Variants in MRPS28 observed in about 807,000 individuals in gnomAD.
MRPS28 encodes mitochondrial ribosomal protein S28.
Under a neutral mutation model 10.8 loss-of-function variants are expected in MRPS28, and 7 were observed. That is an observed-to-expected ratio of 0.65 (90% CI 0.37 to 1.22). The LOEUF is 1.22. Ranked by LOEUF, MRPS28 falls within the 50% of genes most tolerant of loss-of-function variation. The probability of loss-of-function intolerance (pLI) is 0.02; values close to 1 mark genes in which losing one functional copy is unlikely to be tolerated. For synonymous variants in MRPS28, 121 were observed against 93.3 expected (o/e 1.30, Z -1.71); for missense variants, 265 against 232.9 (o/e 1.14, Z -0.90).
At chr8:79,958,556 A>G (rs2129995781) in intron 2 of MRPS28, 1 of 570,446 alleles carries the variant, frequency 1.8e-6, no homozygotes, top group Non-Finnish European at 3.1e-6. Context: ...TAAGAAAGAG[A>G]GTCACTAATT....
At chr8:79,941,898 G>GT (rs1163756323) in intron 2 of MRPS28, among the ~76,000 whole-genome samples, 2 of 152,266 alleles carry the variant, frequency 1.3e-5, no homozygotes, top group Non-Finnish European at 2.9e-5. Flanking sequence ...TGAAAAAATG[G>GT]TTTTTTATGT....
At chr8:80,018,096 T>C (rs1241372285) in intron 1 of MRPS28, among the ~76,000 whole-genome samples, 1 of 152,080 alleles carries the variant, frequency 6.6e-6, no homozygotes, top group Non-Finnish European at 1.5e-5. Context: ...AAGACTATCC[T>C]GGTTAACATG....
At chr8:79,982,376 T>C (rs1220659006) in intron 2 of MRPS28, among the ~76,000 whole-genome samples, 22 of 152,336 alleles carry the variant, frequency 1.4e-4, no homozygotes, top group South Asian at 2.1e-4. Flanking sequence ...TCTGAGGTAC[T>C]GGGTTCATCT....
intron 1 of MRPS28, among the ~76,000 whole-genome samples, chr8:80,006,720 G>C (rs1229103204): frequency 6.6e-6 from 1 of 152,154 alleles, no homozygotes; most frequent in Non-Finnish European, 1.5e-5. Context: ...GACTAAACCA[G>C]GAAGAAGTTG....
chr8:79,943,309 G>A (rs1237951823), intron 2 of MRPS28, among the ~76,000 whole-genome samples: 4 of 152,220 alleles, frequency 2.6e-5, no homozygotes, highest in Non-Finnish European at 5.9e-5. Flanking sequence ...TACAAGAGCC[G>A]AAGAAGGAAT....
At chr8:79,924,635 A>T (rs1810186037) in intron 2 of MRPS28, among the ~76,000 whole-genome samples, 1 of 152,210 alleles carries the variant, frequency 6.6e-6, no homozygotes, top group Non-Finnish European at 1.5e-5. Context: ...TGCAAAATTG[A>T]TTGTATACGC....
intron 2 of MRPS28, among the ~76,000 whole-genome samples, chr8:80,002,123 T>G (rs563566905): frequency 4.1e-4 from 62 of 152,270 alleles, no homozygotes; most frequent in African/African-American, 1.4e-3. Flanking sequence ...TATCCAGCTC[T>G]CAGGAGAGAG....
At chr8:80,009,237 G>A (rs1808955887) in intron 1 of MRPS28, among the ~76,000 whole-genome samples, 1 of 152,062 alleles carries the variant, frequency 6.6e-6, no homozygotes, top group Admixed American at 6.5e-5. Context: ...GAAAACACCT[G>A]GACACAGGAA....
chr8:80,004,245 C>A (rs552578661), intron 1 of MRPS28, among the ~76,000 whole-genome samples: 2 of 152,214 alleles, frequency 1.3e-5, no homozygotes, highest in African/African-American at 4.8e-5. Context: ...CAAGTAGGGG[C>A]AGACTGACAC....
intron 1 of MRPS28, among the ~76,000 whole-genome samples, chr8:80,008,107 G>A (rs1406141195): frequency 1.3e-5 from 2 of 152,158 alleles, no homozygotes; most frequent in East Asian, 3.9e-4. Context: ...GGAGCCCTCA[G>A]AAATAAAGCC....
chr8:79,985,186 A>C lies in MRPS28; in HGVS notation c.395+17813T>G, dbSNP rs553849756. On this transcript the variant is annotated intron_variant, in intron 2 of 2. Coordinates refer to ENST00000276585, the MANE Select transcript of MRPS28 (RefSeq NM_014018.3). ...GCTCCTGAATGACTACTGGGTACATAACGAAATGAAGGCAGAAATAAAGAT... is the reference window on the plus strand; with the variant it reads ...GCTCCTGAATGACTACTGGGTACATCACGAAATGAAGGCAGAAATAAAGAT... 4.6e-5 allele frequency among the ~76,000 whole-genome samples: 7 copies of C among 152,320 alleles called. No homozygotes were observed. In the South Asian group the frequency reaches 1.0e-3, roughly 23 times the overall value.
chr8:79,942,697 G>C (rs1191152091), intron 2 of MRPS28, among the ~76,000 whole-genome samples: 2 of 152,192 alleles, frequency 1.3e-5, no homozygotes, highest in Non-Finnish European at 2.9e-5. Flanking sequence ...GGAAATGGTA[G>C]ACTACTATTT....
chr8:79,952,376 A>G (rs115466576), intron 2 of MRPS28, among the ~76,000 whole-genome samples: 1,788 of 152,324 alleles, frequency 0.012, 46 homozygotes, highest in African/African-American at 0.039. Context: ...TAAGTAGATC[A>G]TCATTAGCTG....
At chr8:79,987,263 A>G (rs961896597) in intron 2 of MRPS28, among the ~76,000 whole-genome samples, 5 of 151,888 alleles carry the variant, frequency 3.3e-5, no homozygotes, top group African/African-American at 4.8e-5. Context: ...TACACCTTAT[A>G]CAAAAATCAA....
At chr8:79,958,259 T>C (rs1375332449) in intron 2 of MRPS28, 1 of 628,750 alleles carries the variant, frequency 1.6e-6, no homozygotes, top group East Asian at 2.8e-5. Flanking sequence ...AATCATACAA[T>C]ATATGATCTT....
At chr8:80,018,294 TCA>T (rs1809257141) in intron 1 of MRPS28, among the ~76,000 whole-genome samples, 2 of 5,936 alleles carry the variant, frequency 3.4e-4, no homozygotes. Context: ...ATACTCTGTC[TCA>T]AAAAAAAAAA....
At chr8:79,923,399 C>A (rs191681783) in intron 2 of MRPS28, among the ~76,000 whole-genome samples, 20 of 152,184 alleles carry the variant, frequency 1.3e-4, no homozygotes, top group Admixed American at 6.5e-4. Context: ...CTTATAATGT[C>A]TTTCCTATGA....
At chr8:79,983,699 T>A (rs1277777005) in intron 2 of MRPS28, among the ~76,000 whole-genome samples, 1 of 151,716 alleles carries the variant, frequency 6.6e-6, no homozygotes. Flanking sequence ...ATGAATGAAA[T>A]GAAGTGAGAA....
In MRPS28 at chr8:80,020,226, G is replaced by C. The variant is rs116120923; in HGVS notation, c.213+9810C>G. On this transcript the variant is annotated intron_variant, in intron 1 of 2. Coordinates refer to ENST00000276585, the MANE Select transcript of MRPS28 (RefSeq NM_014018.3). ...TTTTATCATGCAGATGAAGCGTCCA[G>C]GTAGCAGGCTTCAGAGAAAACAGAT... Among the ~76,000 whole-genome samples, 1,310 of 152,288 alleles carry C rather than the reference G, an allele frequency of 8.6e-3. 26 individuals are homozygous for C. Among genetic ancestry groups the C allele is most frequent in the African/African-American group, 0.03 (1,249 of 41,548 alleles).
Sources: gnomAD v4.1 joint callset for allele counts (sites outside exome capture counted in the v4.1 genomes callset) on GRCh38, gnomAD v4.1.1 for gene constraint, MANE v1.5 for transcripts, NCBI Gene and HGNC (gene_info 2026-07-23, HGNC 2026-07-21) for gene names.